The following NLRP4 variants were observed in gnomAD, a reference collection of about 807,000 sequenced individuals.
NLRP4 encodes NACHT, LRR and PYD domains-containing protein 4.
NLRP4 carries 44 observed loss-of-function variants against 84.7 expected under a neutral mutation model. The observed-to-expected ratio is 0.52, with a 90% CI of 0.41 to 0.67. The LOEUF (loss-of-function observed/expected upper bound fraction) is 0.67, where lower values mean the gene tolerates loss of function less well. NLRP4 is among the 30% of genes least tolerant of loss of function. The probability of loss-of-function intolerance (pLI) is 0.00; values close to 1 mark genes in which losing one functional copy is unlikely to be tolerated. For missense variants in NLRP4, 1,260 were observed against 1,219.4 expected (o/e 1.03, Z -0.50); for synonymous variants, 544 against 476.4 (o/e 1.14, Z -1.85).
chr19:55,845,860 T>A, intron 1 of NLRP4, among the ~76,000 whole-genome samples: 1 of 123,500 alleles, frequency 8.1e-6, no homozygotes. Flanking sequence ...CTTTGCCCAC[T>A]TTTTGATGGG....
chr19:55,866,583 C>G (rs1984963845), intron 5 of NLRP4, among the ~76,000 whole-genome samples: 1 of 152,156 alleles, frequency 6.6e-6, no homozygotes, highest in Non-Finnish European at 1.5e-5. Flanking sequence ...TGAGGCAACA[C>G]AAATCAACTC....
In NLRP4 at chr19:55,871,104, G is replaced by T. The variant is rs868033130; in HGVS notation, c.2525+107G>T. 23 of 920,736 alleles carry T rather than the reference G, an allele frequency of 2.5e-5. No individual in the cohort carries two copies. The South Asian group carries it at 3.7e-4, about 15-fold the overall frequency. The allele number at this position is 920,736 out of a possible 1,614,324, so 57.0% of individuals were successfully genotyped here. ...GGAAGGCTGTAGTGTCTGTGCCTGG[G>T]CATGTGAAGGTTTAAAAAATACTTG... On this transcript the variant is annotated intron_variant, in intron 7 of 9. Coordinates refer to ENST00000301295, the MANE Select transcript of NLRP4 (RefSeq NM_134444.5).
chr19:55,856,817 G>A (rs1984452738), intron 2 of NLRP4, among the ~76,000 whole-genome samples: 1 of 152,126 alleles, frequency 6.6e-6, no homozygotes, highest in Admixed American at 6.5e-5. Context: ...CCGGCCTGTT[G>A]TTGGATTTTT....
At chr19:55,850,788 C>CCCGAGGCGGTGTAATGT (rs1984079369) in intron 1 of NLRP4, among the ~76,000 whole-genome samples, 2 of 47,546 alleles carry the variant, frequency 4.2e-5, no homozygotes, top group South Asian at 7.4e-4. Flanking sequence ...CGGTGTAATT[C>CCCGAGGCGGTGTAATGT]CCGAGGCTGC....
At chr19:55,850,149 C>A (rs1984012435) in intron 1 of NLRP4, among the ~76,000 whole-genome samples, 6 of 143,442 alleles carry the variant, frequency 4.2e-5, no homozygotes, top group Middle Eastern at 3.8e-3. Context: ...GGTGTAATTT[C>A]CGAGGCTGCG....
Position 55,851,913 on chromosome 19 carries a change from T to G in NLRP4, c.-65-103T>G, listed in dbSNP as rs192778651. On this transcript the variant is annotated intron_variant, in intron 1 of 9. Transcript: ENST00000301295. ...TGAGATGAATGTAATTAAATAACTT[T>G]CCGCCTTCATTGCCATCCCCCCAGT... 2.5e-4 allele frequency: 142 copies of G among 576,820 alleles called. No individual in the cohort carries two copies. In the East Asian group the frequency reaches 3.8e-3, roughly 15 times the overall value. 35.7% of individuals were successfully genotyped at this position (576,820 alleles called of 1,614,324 possible).
chr19:55,837,669 A>G (rs1983411308), intron 1 of NLRP4, among the ~76,000 whole-genome samples: 1 of 151,912 alleles, frequency 6.6e-6, no homozygotes, highest in Non-Finnish European at 1.5e-5. Flanking sequence ...GTTGTTGCAG[A>G]TGTAATTAGT....
chr19:55,850,036 TGCGGTGTGATTTCC>T lies in NLRP4; in HGVS notation c.-65-1978_-65-1965del, dbSNP rs1371828455. Reference sequence around the variant, plus strand: ...GAGACTGCGGTGTGATTTCCGAGACTGCGGTGTGATTTCCGTAGCTGCGGTGGAATTTCCGAGAC... The same window carrying T: ...GAGACTGCGGTGTGATTTCCGAGACTGTAGCTGCGGTGGAATTTCCGAGAC... On this transcript the variant is annotated intron_variant, in intron 1 of 9. Transcript: ENST00000301295. Among the ~76,000 whole-genome samples the T allele has an allele frequency of 9.4e-3, 1,357 of 144,884 alleles. 279 individuals carry two copies. The highest frequency in any genetic ancestry group is 0.034 in the African/African-American group (1,272 of 37,608).
intron 2 of NLRP4, among the ~76,000 whole-genome samples, chr19:55,853,795 C>CTT (rs1165146891): frequency 6.6e-6 from 1 of 151,412 alleles, no homozygotes; most frequent in African/African-American, 2.4e-5. Flanking sequence ...CTCTCTTTCT[C>CTT]TCTCTCTCTC....
rs139521551 is a variant in NLRP4 at position 55,878,836 on chromosome 19, C to T, written c.2739C>T (p.Leu913=). 1.1e-4 allele frequency: 170 copies of T among 1,613,658 alleles called. 1 individual carries two copies. In the Admixed American group the frequency reaches 1.9e-3, roughly 18 times the overall value. ...CGLTSTCCKD[L]ASVLTCSKTL... ...TAACGAGCACCTGCTGTAAGGATCT[C>T]GCGTCTGTTCTCACCTGCAGTAAGA... The change falls in exon 9 of 10, where the codon CTC becomes CTT. Residue 913 remains leucine, a synonymous_variant. Transcript: ENST00000301295.
chr19:55,841,231 C>A (rs770447403), intron 1 of NLRP4, among the ~76,000 whole-genome samples: 11 of 152,278 alleles, frequency 7.2e-5, no homozygotes, highest in African/African-American at 2.2e-4. Context: ...CTAGAACTTG[C>A]GCTTTCTAAC....
intron 7 of NLRP4, among the ~76,000 whole-genome samples, chr19:55,875,006 G>A (rs1985317697): frequency 6.6e-6 from 1 of 152,044 alleles, no homozygotes; most frequent in South Asian, 2.1e-4. Flanking sequence ...CACTTTACTG[G>A]TTAAAAATAA....
chr19:55,875,248 A>G (rs1457399851), intron 7 of NLRP4, among the ~76,000 whole-genome samples: 1 of 152,230 alleles, frequency 6.6e-6, no homozygotes, highest in African/African-American at 2.4e-5. Context: ...GCTTCAAGGT[A>G]AGAAAAACAC....
At chr19:55,869,393 A>AG (rs1985087729) in intron 6 of NLRP4, among the ~76,000 whole-genome samples, 1 of 146,888 alleles carries the variant, frequency 6.8e-6, no homozygotes, top group Non-Finnish European at 1.5e-5. Context: ...CAAAAAAAAA[A>AG]CAAAAAACAA....
chr19:55,856,148 C>G (rs147724789), intron 2 of NLRP4, among the ~76,000 whole-genome samples: 4,070 of 152,266 alleles, frequency 0.027, 89 homozygotes, highest in Non-Finnish European at 0.046. Flanking sequence ...CCTGTACCAC[C>G]ACGCCCAGCT....
At chr19:55,861,926 A>C in intron 4 of NLRP4, 66 bp from the exon 5 acceptor site, 1 of 1,062,666 alleles carries the variant, frequency 9.4e-7, no homozygotes, top group Non-Finnish European at 1.5e-6. Context: ...ATGAGAGACA[A>C]ACACAGGTGT....
At position 55,862,079 on chromosome 19, in the gene NLRP4, C is replaced by T. The variant is rs570852880; in HGVS notation, c.2106C>T (p.Thr702=). 2.5e-6 allele frequency: 4 copies of T among 1,612,488 alleles called. No homozygotes were observed. The highest frequency in any genetic ancestry group is 1.3e-5 in the African/African-American group (1 of 75,030). ...YQPDLKYLSF[T]LTKLSRDDIR... ...CAGACTTGAAATACCTGAGCTTCAC[C>T]CTCACGAAACTCTCTCGTGATGACA... is the stretch of plus-strand genomic sequence containing the variant. Residue 702 remains threonine (T), a synonymous_variant, in exon 5 of 10, where the codon ACC becomes ACT. Transcript: ENST00000301295.
chr19:55,877,161 T>A lies in NLRP4; in HGVS notation c.2691T>A (p.Ile897=), dbSNP rs117456828. 0.026 allele frequency: 42,620 copies of A among 1,613,252 alleles called. 674 individuals carry two copies. The highest frequency in any genetic ancestry group is 0.039 in the Middle Eastern group (238 of 6,052). Reference sequence around the variant, plus strand: ...CGCATACGGATTGCCGCTTAGAGATTCTTGGGTGGGTATCGCCAAGCTCCT... The same window carrying A: ...CGCATACGGATTGCCGCTTAGAGATACTTGGGTGGGTATCGCCAAGCTCCT... ...ALTHTDCRLE[I]LGLEECGLTS... Residue 897 remains isoleucine, a synonymous_variant, in exon 8 of 10, where the codon ATT becomes ATA. Coordinates refer to ENST00000301295, the MANE Select transcript of NLRP4 (RefSeq NM_134444.5).
chr19:55,850,134 G>A (rs1413799311), intron 1 of NLRP4, among the ~76,000 whole-genome samples: 55 of 122,798 alleles, frequency 4.5e-4, no homozygotes, highest in Non-Finnish European at 7.3e-4. Flanking sequence ...AATTTCCGTG[G>A]CTGCGGTGTA....
Sources: gnomAD v4.1 joint callset for allele counts (sites outside exome capture counted in the v4.1 genomes callset) on GRCh38, gnomAD v4.1.1 for gene constraint, MANE v1.5 for transcripts, NCBI Gene and HGNC (gene_info 2026-07-23, HGNC 2026-07-21) for gene names.